THEMIS: variants seen among roughly 807,000 people sequenced by gnomAD.
THEMIS encodes the protein protein THEMIS.
Under a neutral mutation model 52.6 loss-of-function variants are expected in THEMIS, and 37 were observed. That is an observed-to-expected ratio of 0.70 (90% CI 0.54 to 0.93). The LOEUF (loss-of-function observed/expected upper bound fraction) is 0.93. Among genes scored for constraint, THEMIS ranks in the 40% least tolerant of loss-of-function variants. The pLI is 0.00. For missense variants in THEMIS, 808 were observed against 763.1 expected, an observed-to-expected ratio of 1.06 and a Z score of -0.69; for synonymous variants, 292 against 272.7, an observed-to-expected ratio of 1.07 and a Z score of -0.70.
At chr6:127,911,250 C>T (rs1781403837) in intron 1 of THEMIS, among the ~76,000 whole-genome samples, 1 of 151,188 alleles carries the variant, frequency 6.6e-6, no homozygotes, top group Non-Finnish European at 1.5e-5. Flanking sequence ...GTGTAGCCTA[C>T]ACTTAAAGGG....
At chr6:127,713,558 A>C (rs764278912) in intron 5 of THEMIS, among the ~76,000 whole-genome samples, 8 of 151,916 alleles carry the variant, frequency 5.3e-5, no homozygotes. Context: ...GACACTGCAA[A>C]ATATGTTAGA....
chr6:127,793,302 G>T (rs1463718659), intron 4 of THEMIS, among the ~76,000 whole-genome samples: 1 of 152,142 alleles, frequency 6.6e-6, no homozygotes. Context: ...AGATCAAATG[G>T]ATTAAAAAGC....
At chr6:127,818,628 C>T (rs1322519484) in intron 3 of THEMIS, among the ~76,000 whole-genome samples, 2 of 149,168 alleles carry the variant, frequency 1.3e-5, no homozygotes, top group Admixed American at 6.7e-5. Flanking sequence ...CAAAAAAGCA[C>T]ACTCTGAAGA....
At chr6:127,730,714 T>C (rs905741229) in intron 4 of THEMIS, among the ~76,000 whole-genome samples, 2 of 152,176 alleles carry the variant, frequency 1.3e-5, no homozygotes, top group Non-Finnish European at 2.9e-5. Flanking sequence ...AATGAAAGCA[T>C]ATAACATCAA....
intron 4 of THEMIS, among the ~76,000 whole-genome samples, chr6:127,787,850 T>TATAGATAGATAGATAGATAG (rs149637898): frequency 6.0e-4 from 83 of 137,608 alleles, no homozygotes; most frequent in African/African-American, 8.9e-4. Context: ...GATAGACAGA[T>TATAGATAGATAGATAGATAG]ATAGATAGAT....
intron 4 of THEMIS, among the ~76,000 whole-genome samples, chr6:127,755,522 G>T (rs1583236841): frequency 6.6e-6 from 1 of 151,482 alleles, no homozygotes; most frequent in East Asian, 1.9e-4. Context: ...TTTTTATTTT[G>T]CTATCAACTT....
At chr6:127,746,748 AATTATATATT>A (rs1164589774) in intron 4 of THEMIS, among the ~76,000 whole-genome samples, 1 of 89,012 alleles carries the variant, frequency 1.1e-5, no homozygotes, top group Non-Finnish European at 2.0e-5. Context: ...TATTATATAT[AATTATATATT>A]ATTATATAAT....
At chr6:127,892,157 C>T (rs370280298) in intron 1 of THEMIS, among the ~76,000 whole-genome samples, 3 of 152,186 alleles carry the variant, frequency 2.0e-5, no homozygotes, top group East Asian at 1.9e-4. Context: ...GGCCTGCCCA[C>T]GCCTCAGTCT....
At chr6:127,722,692 G>A (rs1774402556) in intron 4 of THEMIS, among the ~76,000 whole-genome samples, 1 of 151,924 alleles carries the variant, frequency 6.6e-6, no homozygotes, top group Non-Finnish European at 1.5e-5. Context: ...TTCTCTGAGT[G>A]TTGTCCGTTG....
chr6:127,787,839 A>ATAGT (rs56724671), intron 4 of THEMIS, among the ~76,000 whole-genome samples: 1 of 108,568 alleles, frequency 9.2e-6, no homozygotes, highest in Admixed American at 8.9e-5. Context: ...AGATAGATAG[A>ATAGT]GATAGACAGA....
chr6:127,725,241 G>A (rs1480014393), intron 4 of THEMIS, among the ~76,000 whole-genome samples: 1 of 152,060 alleles, frequency 6.6e-6, no homozygotes, highest in Non-Finnish European at 1.5e-5. Flanking sequence ...TGATATTTGA[G>A]AAGAAATCTC....
At chr6:127,698,825 C>CT in the THEMIS span, among the ~76,000 whole-genome samples, 61 of 131,420 alleles carry the variant, frequency 4.6e-4, no homozygotes, top group African/African-American at 1.5e-3. Context: ...TTGTGAGTTC[C>CT]TAAATTGTAT....
At chr6:127,737,852 A>G (rs1186049557) in intron 4 of THEMIS, among the ~76,000 whole-genome samples, 3 of 152,194 alleles carry the variant, frequency 2.0e-5, no homozygotes, top group Admixed American at 6.5e-5. Flanking sequence ...GACATGGATC[A>G]GTATTAGTGG....
At chr6:127,833,659 A>G (rs183967785) in intron 2 of THEMIS, among the ~76,000 whole-genome samples, 1 of 152,332 alleles carries the variant, frequency 6.6e-6, no homozygotes, top group East Asian at 1.9e-4. Flanking sequence ...TGTGAGAAGA[A>G]CAATAATAAT....
intron 4 of THEMIS, among the ~76,000 whole-genome samples, chr6:127,770,576 C>T (rs1170053379): frequency 6.6e-6 from 1 of 152,082 alleles, no homozygotes; most frequent in Non-Finnish European, 1.5e-5. Flanking sequence ...CTGTAGGTTG[C>T]CTGTTCACTC....
intron 1 of THEMIS, among the ~76,000 whole-genome samples, chr6:127,868,175 G>A (rs548192887): frequency 1.9e-4 from 29 of 151,928 alleles, no homozygotes; most frequent in Admixed American, 9.9e-4. Context: ...ATTATTTTAC[G>A]TGCATAGCCC....
intron 4 of THEMIS, among the ~76,000 whole-genome samples, chr6:127,790,222 T>C (rs1777111765): frequency 6.6e-6 from 1 of 152,200 alleles, no homozygotes; most frequent in Admixed American, 6.5e-5. Flanking sequence ...AGCATTCCTA[T>C]ACACCAATTA....
chr6:127,807,938 G>GAGT (rs1777773995), intron 4 of THEMIS, among the ~76,000 whole-genome samples: 1 of 152,158 alleles, frequency 6.6e-6, no homozygotes, highest in African/African-American at 2.4e-5. Context: ...GCACTCCCCA[G>GAGT]GAACCATTGC....
chr6:127,715,657 T>C (rs541417938), intron 5 of THEMIS, among the ~76,000 whole-genome samples: 2 of 151,906 alleles, frequency 1.3e-5, no homozygotes, highest in Non-Finnish European at 2.9e-5. Flanking sequence ...TTCTCTAGCT[T>C]CCACCTTGGC....
Sources: gnomAD v4.1 joint callset for allele counts (sites outside exome capture counted in the v4.1 genomes callset) on GRCh38, gnomAD v4.1.1 for gene constraint, MANE v1.5 for transcripts, NCBI Gene and HGNC (gene_info 2026-07-23, HGNC 2026-07-21) for gene names.